DNAJC10: variants seen among roughly 807,000 people sequenced by gnomAD.
DNAJC10 encodes DnaJ heat shock protein family (Hsp40) member C10.
Under a neutral mutation model 115.0 loss-of-function variants are expected in DNAJC10, and 101 were observed. The ratio of observed to expected loss-of-function variants is 0.88; its 90% CI spans 0.75 to 1.04. DNAJC10 has a LOEUF of 1.04. DNAJC10 is among the 50% of genes least tolerant of loss of function. The pLI, the probability that DNAJC10 is intolerant of heterozygous loss-of-function variation, is 0.00. For synonymous variants in DNAJC10, 307 were observed against 301.5 expected (o/e 1.02, Z -0.19); for missense variants, 981 against 928.8 (o/e 1.06, Z -0.73).
chr2:182,763,015 A>G (rs923922636), intron 22 of DNAJC10, among the ~76,000 whole-genome samples: 1 of 152,132 alleles, frequency 6.6e-6, no homozygotes, highest in African/African-American at 2.4e-5. Flanking sequence ...TTGCCTTAAC[A>G]TTTTTATACT....
chr2:182,758,787 A>G (rs771657459), intron 19 of DNAJC10, 50 bp from the exon 20 acceptor site: 3 of 1,264,476 alleles, frequency 2.4e-6, no homozygotes, highest in Non-Finnish European at 3.5e-6. Flanking sequence ...TTCTGAATAC[A>G]TCCAATAATA....
chr2:182,763,899 G>A (rs1268430538), intron 22 of DNAJC10, among the ~76,000 whole-genome samples: 1 of 152,092 alleles, frequency 6.6e-6, no homozygotes, highest in Non-Finnish European at 1.5e-5. Context: ...AAGTACAACG[G>A]CCATCACCTA....
chr2:182,724,911 C>T (rs1693244539), intron 5 of DNAJC10, among the ~76,000 whole-genome samples: 1 of 152,118 alleles, frequency 6.6e-6, no homozygotes, highest in African/African-American at 2.4e-5. Flanking sequence ...TACAGGTGTA[C>T]CTCATTTTAT....
chr2:182,751,697 A>G lies in DNAJC10; in HGVS notation c.1346A>G (p.Glu449Gly), dbSNP rs1203165958. ...ILYDILAFAK[E>G]SVNSHVTTLG... Reference sequence around the variant, plus strand: ...TATGATATACTTGCCTTTGCCAAAGAAAGTGTGAATTCTCATGTTACCACG... The same window carrying G: ...TATGATATACTTGCCTTTGCCAAAGGAAGTGTGAATTCTCATGTTACCACG... The change falls in exon 15 of 24, where the codon GAA becomes GGA. Residue 449 changes from glutamate (E) to glycine (G), a missense_variant. Transcript: ENST00000264065. The G allele has an allele frequency of 1.2e-6, 2 of 1,613,978 alleles. No individual in the cohort carries two copies. Among genetic ancestry groups the G allele is most frequent in the Non-Finnish European group, 1.7e-6 (2 of 1,179,860 alleles).
chr2:182,720,193 T>C (rs779165009), intron 4 of DNAJC10, 24 bp downstream of exon 4: 5 of 1,577,328 alleles, frequency 3.2e-6, no homozygotes, highest in Admixed American at 1.9e-5. Context: ...ATATTACTTA[T>C]GAAATGTGTT....
intron 5 of DNAJC10, among the ~76,000 whole-genome samples, chr2:182,727,780 A>T (rs768392514): frequency 2.0e-5 from 3 of 152,202 alleles, no homozygotes; most frequent in Non-Finnish European, 2.9e-5. Context: ...AAATCCTTTA[A>T]CCAAAAGCAG....
Position 182,777,762 on chromosome 2 carries a change from CTTCA to C in DNAJC10, c.*633_*636del, listed in dbSNP as rs946388572. The C allele has an allele frequency of 6.6e-6, 1 of 152,150 alleles. No individual in the cohort carries two copies. The highest frequency in any genetic ancestry group is 2.4e-5 in the African/African-American group (1 of 41,446). 9.4% of individuals were successfully genotyped at this position (152,150 alleles called of 1,614,324 possible). On this transcript the variant is annotated 3_prime_UTR_variant, in exon 24 of 24. Transcript: ENST00000264065. ...TATGCTGTATTATTATGAGGAGATT[CTTCA>C]TTGTTTTCTTTCCTTCTCAAAGGTT...
Position 182,784,479 on chromosome 2 carries a change from G to A in DNAJC10, c.*7347G>A, listed in dbSNP as rs1694911053. ...CAGTGTTGGCAGAACCTAGCACATT[G>A]TTGACCCGTAGAAGCACAGTGTGTA... On this transcript the variant is annotated 3_prime_UTR_variant, in exon 24 of 24. Transcript: ENST00000264065. The A allele has an allele frequency of 6.6e-6, 1 of 152,138 alleles. No homozygotes were observed. The highest frequency in any genetic ancestry group is 2.4e-5 in the African/African-American group (1 of 41,434). 9.4% of individuals were successfully genotyped at this position (152,138 alleles called of 1,614,324 possible). A position where few individuals can be genotyped will look rare whatever the true frequency, so the allele number is the denominator to read the frequency against.
rs1047685043 is a variant in DNAJC10, at chr2:182,792,488, A to G, written c.*15356A>G. 2.6e-5 allele frequency: 4 copies of G among 152,214 alleles called. No homozygotes were observed. Among genetic ancestry groups the G allele is most frequent in the South Asian group, 2.1e-4 (1 of 4,830 alleles). The allele number at this position is 152,214 out of a possible 1,614,324, so 9.4% of individuals were successfully genotyped here. On this transcript the variant is annotated 3_prime_UTR_variant, in exon 24 of 24. Coordinates refer to ENST00000264065, the MANE Select transcript of DNAJC10 (RefSeq NM_018981.4). ...CCTGTTTTGTCCCTCAATGTTCACA[A>G]AAGTCCCATCTGATAAATGTATTGT...
intron 16 of DNAJC10, chr2:182,754,726 A>G (rs1400428214): frequency 1.2e-5 from 14 of 1,130,286 alleles, no homozygotes; most frequent in Non-Finnish European, 7.6e-6. Context: ...GACCATTCGT[A>G]TAATTACCCA....
In DNAJC10 at chr2:182,788,525, T is replaced by C. The variant is rs1694991405; in HGVS notation, c.*11393T>C. Reference sequence around the variant, plus strand: ...GAGTAAAAACAAAATGTATAAAAAGTATTAAAATTTGAAAAATATCTTGGA... The same window carrying C: ...GAGTAAAAACAAAATGTATAAAAAGCATTAAAATTTGAAAAATATCTTGGA... On this transcript the variant is annotated 3_prime_UTR_variant, in exon 24 of 24. Coordinates refer to ENST00000264065, the MANE Select transcript of DNAJC10 (RefSeq NM_018981.4). 1 of 209,462 alleles carries C rather than the reference T, an allele frequency of 4.8e-6. No individual in the cohort carries two copies. Among genetic ancestry groups the C allele is most frequent in the Admixed American group, 5.8e-5 (1 of 17,132 alleles). The allele number at this position is 209,462 out of a possible 1,614,324, so 13.0% of individuals were successfully genotyped here. A position where few individuals can be genotyped will look rare whatever the true frequency, so the allele number is the denominator to read the frequency against.
intron 10 of DNAJC10, chr2:182,732,827 C>T: frequency 2.4e-6 from 1 of 422,190 alleles, no homozygotes; most frequent in Non-Finnish European, 4.2e-6. Flanking sequence ...TTTGTCATTT[C>T]CCAACTTTAT....
intron 3 of DNAJC10, among the ~76,000 whole-genome samples, chr2:182,719,068 G>A (rs1174210389): frequency 1.3e-5 from 2 of 151,080 alleles, no homozygotes; most frequent in East Asian, 1.9e-4. Flanking sequence ...TTCTATTTAA[G>A]GTTTTTATTT....
intron 3 of DNAJC10, among the ~76,000 whole-genome samples, chr2:182,719,178 T>G (rs545579328): frequency 3.7e-4 from 56 of 151,470 alleles, no homozygotes; most frequent in African/African-American, 1.3e-3. Context: ...AATGAAAGCA[T>G]CCTTCAGAAA....
intron 22 of DNAJC10, among the ~76,000 whole-genome samples, chr2:182,773,464 A>G (rs1320405516): frequency 1.3e-5 from 2 of 152,140 alleles, no homozygotes; most frequent in African/African-American, 4.8e-5. Context: ...TTTCAAGTAC[A>G]CCAATCAAAC....
At chr2:182,722,767 C>T (rs1693184438) in intron 5 of DNAJC10, among the ~76,000 whole-genome samples, 1 of 152,004 alleles carries the variant, frequency 6.6e-6, no homozygotes, top group Admixed American at 6.6e-5. Flanking sequence ...ATGGGGAAAA[C>T]CCTCTCTACT....
Position 182,783,160 on chromosome 2 carries a change from A to G in DNAJC10, c.*6028A>G, listed in dbSNP as rs1298338238. ...GGCCTTTTCTGCATCTATTGAGATA[A>G]TCATGTTTTTGTCATAACTGCTATT... On this transcript the variant is annotated 3_prime_UTR_variant, in exon 24 of 24. Transcript: ENST00000264065. 2 of 152,228 alleles carry G rather than the reference A, an allele frequency of 1.3e-5. No individual in the cohort carries two copies. Among genetic ancestry groups the G allele is most frequent in the Non-Finnish European group, 2.9e-5 (2 of 68,046 alleles). The allele number at this position is 152,228 out of a possible 1,614,324, so 9.4% of individuals were successfully genotyped here.
chr2:182,725,668 G>T (rs1693264821), intron 5 of DNAJC10, among the ~76,000 whole-genome samples: 2 of 152,128 alleles, frequency 1.3e-5, no homozygotes, highest in Non-Finnish European at 2.9e-5. Flanking sequence ...AAAGTTTGAA[G>T]CTAGAAAAGG....
Position 182,716,685 on chromosome 2 carries a change from A to T in DNAJC10, c.-204+202A>T, listed in dbSNP as rs150538695. On this transcript the variant is annotated intron_variant, in intron 1 of 23. Coordinates refer to ENST00000264065, the MANE Select transcript of DNAJC10 (RefSeq NM_018981.4). ...TCTGCCCAGCGATTCCCTCTCAGTT[A>T]CTTACACTTTCTCCCTAAGTCCGAC... Among the ~76,000 whole-genome samples the T allele has an allele frequency of 4.9e-3, 740 of 152,202 alleles. 13 individuals are homozygous for T. The highest frequency in any genetic ancestry group is 0.017 in the African/African-American group (714 of 41,522).
Sources: allele counts gnomAD v4.1 joint callset (sites outside exome capture counted in the v4.1 genomes callset), GRCh38; gene constraint gnomAD v4.1.1; transcripts MANE v1.5; gene names NCBI Gene and HGNC (gene_info 2026-07-23, HGNC 2026-07-21).